Variants in RCBTB2 observed in about 807,000 individuals in gnomAD.
The protein encoded by RCBTB2 is RCC1 and BTB domain containing protein 2.
A neutral mutation model predicts 65.4 loss-of-function variants in RCBTB2; 55 were observed. The observed-to-expected ratio is 0.84, with a 90% confidence interval of 0.68 to 1.05. The LOEUF is 1.05. RCBTB2 is among the 50% of genes least tolerant of loss of function. The probability of loss-of-function intolerance (pLI) is 0.00; values close to 1 mark genes in which losing one functional copy is unlikely to be tolerated. For synonymous variants in RCBTB2, 220 were observed against 255.2 expected, an observed-to-expected ratio of 0.86 and a Z score of 1.31; for missense variants, 599 against 680.1, an observed-to-expected ratio of 0.88 and a Z score of 1.33.
Position 48,515,659 on chromosome 13 carries a change from A to G in RCBTB2, c.125T>C (p.Leu42Pro). 6.2e-7 allele frequency: 1 copy of G among 1,614,052 alleles called. No individual in the cohort carries two copies. Reference protein sequence around the residue: ...PIFSLCSEEELQLIRQACVFG... With the variant: ...PIFSLCSEEEPQLIRQACVFG... ...GACACAAGCCTGACGAATTAACTGT[A>G]GTTCTTCTTCAGAACAAAGGGAAAA... The change falls in exon 5 of 15, where the codon CTA becomes CCA. Residue 42 changes from leucine to proline, a missense_variant. Physicochemically the swap from Leu to Pro is moderately conservative, Grantham distance 98. Coordinates refer to ENST00000344532, the MANE Select transcript of RCBTB2 (RefSeq NM_001268.4).
In RCBTB2 at chr13:48,512,714, G is replaced by A; in HGVS notation, c.516+15C>T. 1 of 1,609,634 alleles carries A rather than the reference G, an allele frequency of 6.2e-7. No homozygotes were observed. Among genetic ancestry groups the A allele is most frequent in the Non-Finnish European group, 8.5e-7 (1 of 1,176,376 alleles). ...ATTGAAAAAAATCAATGAGCTTTAT[G>A]CTGACTGTTCTCACCTCTCCATCAG... On this transcript the variant is annotated intron_variant, in intron 7 of 14. Transcript: ENST00000344532.
chr13:48,528,362 G>A (rs143833499), intron 1 of RCBTB2, among the ~76,000 whole-genome samples: 1 of 152,118 alleles, frequency 6.6e-6, no homozygotes, highest in Non-Finnish European at 1.5e-5. Context: ...AACTTAATGA[G>A]ATCAACTCTA....
intron 10 of RCBTB2, 87 bp from the exon 11 acceptor site, chr13:48,503,001 G>C: frequency 7.5e-7 from 1 of 1,338,410 alleles, no homozygotes; most frequent in East Asian, 2.8e-5. Flanking sequence ...AACTGATGTG[G>C]GACATCATAA....
At chr13:48,526,938 AT>A (rs34418781) in intron 1 of RCBTB2, among the ~76,000 whole-genome samples, 175 of 152,098 alleles carry the variant, frequency 1.2e-3, no homozygotes, top group Non-Finnish European at 2.0e-3. Context: ...TAATAAATAG[AT>A]TTTTTTTAAA....
chr13:48,501,618 T>C (rs2138455767), intron 12 of RCBTB2, 124 bp downstream of exon 12: 1 of 743,380 alleles, frequency 1.3e-6, no homozygotes, highest in East Asian at 2.6e-5. Context: ...CACTGTATGC[T>C]TGTAAGAGCA....
intron 12 of RCBTB2, among the ~76,000 whole-genome samples, chr13:48,500,595 C>G (rs1260000646): frequency 2.6e-5 from 4 of 152,136 alleles, no homozygotes; most frequent in Non-Finnish European, 5.9e-5. Context: ...TGGACACAGA[C>G]ATGCACAAAG....
chr13:48,497,400 T>C (rs1446186067), intron 13 of RCBTB2, among the ~76,000 whole-genome samples: 2 of 152,196 alleles, frequency 1.3e-5, no homozygotes, highest in African/African-American at 4.8e-5. Context: ...AGGTGACATA[T>C]GTAAATTAAT....
intron 13 of RCBTB2, among the ~76,000 whole-genome samples, chr13:48,496,678 G>C (rs537223694): frequency 2.7e-5 from 4 of 150,830 alleles, no homozygotes; most frequent in Non-Finnish European, 5.9e-5. Flanking sequence ...CACACATGCT[G>C]TAAGAGTGCC....
chr13:48,525,092 T>TA (rs149664060), intron 1 of RCBTB2, among the ~76,000 whole-genome samples: 1,769 of 151,370 alleles, frequency 0.012, 31 homozygotes, highest in African/African-American at 0.04. Context: ...TGTGGAAATG[T>TA]AAAAAAAAGC....
chr13:48,522,737 T>C (rs1043013580), intron 2 of RCBTB2, among the ~76,000 whole-genome samples: 11 of 152,356 alleles, frequency 7.2e-5, no homozygotes, highest in Admixed American at 7.2e-4. Flanking sequence ...TTTAATGATG[T>C]TGCTTTTTCT....
chr13:48,527,320 C>CATATATATATATATGATAT (rs1951799410), intron 1 of RCBTB2, among the ~76,000 whole-genome samples: 1 of 77,856 alleles, frequency 1.3e-5, no homozygotes, highest in African/African-American at 5.7e-5. Context: ...TGACTTGGCT[C>CATATATATATATATGATAT]ATATATATAT....
chr13:48,499,518 C>T, intron 13 of RCBTB2, 103 bp downstream of exon 13: 1 of 1,199,196 alleles, frequency 8.3e-7, no homozygotes, highest in Non-Finnish European at 1.2e-6. Flanking sequence ...AAAAGAAATA[C>T]TTCTGTAATT....
intron 10 of RCBTB2, among the ~76,000 whole-genome samples, chr13:48,507,674 A>G (rs575379149): frequency 6.6e-6 from 1 of 152,230 alleles, no homozygotes; most frequent in East Asian, 1.9e-4. Flanking sequence ...AGAAACAGCA[A>G]AGATGACAGA....
rs771326796 is a variant in RCBTB2, at chr13:48,515,208, T to C, written c.346A>G (p.Thr116Ala). 1.2e-6 allele frequency: 2 copies of C among 1,611,664 alleles called. No individual in the cohort carries two copies. The highest frequency in any genetic ancestry group is 2.2e-5 in the East Asian group (1 of 44,872). Residue 116 changes from threonine to alanine, a missense_variant, in exon 6 of 15, where the codon ACA (threonine) becomes GCA (alanine). Physicochemically the swap from Thr to Ala is moderately conservative, Grantham distance 58 (BLOSUM62 0). Coordinates refer to ENST00000344532, the MANE Select transcript of RCBTB2 (RefSeq NM_001268.4). ...CTACATGGGGTTCCTAGGTTACCTG[T>C]TGTTGCAAGGACAATATGTGGACCA... ...GSGPHIVLAT[T>A]EGEVFTWGHN... is the part of the protein sequence containing the mutation.
At position 48,515,263 on chromosome 13, in the gene RCBTB2, G is replaced by A. The variant is rs9331989; in HGVS notation, c.291C>T (p.Gly97=). The A allele has an allele frequency of 2.2e-3, 3,583 of 1,613,898 alleles. 61 individuals carry two copies. In the African/African-American group the frequency reaches 0.04, roughly 18 times the overall value. The change falls in exon 6 of 15, where the codon GGC becomes GGT. Residue 97 remains glycine (G), a synonymous_variant. Transcript: ENST00000344532. ...CATAGCTGAGGCAGGCTATTTTTTTGCCATTTAAAGAATCCAGTCTCCGAG... is the reference window on the plus strand; with the variant it reads ...CATAGCTGAGGCAGGCTATTTTTTTACCATTTAAAGAATCCAGTCTCCGAG... ...IEPRRLDSLN[G]KKIACLSYGS...
intron 6 of RCBTB2, 150 bp from the exon 7 acceptor site, chr13:48,513,045 A>C: frequency 1.6e-6 from 1 of 632,554 alleles, no homozygotes; most frequent in South Asian, 2.4e-5. Context: ...ATTCTACAAA[A>C]GAATCTATTT....
chr13:48,535,641 C>G, upstream of RCBTB2: 1 of 456,524 alleles, frequency 2.2e-6, no homozygotes, highest in African/African-American at 2.0e-5. Context: ...CACCAATGAC[C>G]TCAGAATTGC....
rs142443945 is a variant in RCBTB2 at position 48,499,111 on chromosome 13, A to AACACACACACACACACACACAC, written c.1384+488_1384+509dup. Among the ~76,000 whole-genome samples, 139 of 105,850 alleles carry AACACACACACACACACACACAC rather than the reference A, an allele frequency of 1.3e-3. 1 individual carries two copies. Among genetic ancestry groups the AACACACACACACACACACACAC allele is most frequent in the African/African-American group, 4.1e-3 (94 of 23,122 alleles). 69.4% of individuals were successfully genotyped at this position (105,850 alleles called of 152,430 possible). ...TTGCCTCTCTCCCGACCCCCACCCC[A>AACACACACACACACACACACAC]ACACACACACACACACACACACACA... is the stretch of plus-strand genomic sequence containing the variant. On this transcript the variant is annotated intron_variant, in intron 13 of 14. Coordinates refer to ENST00000344532, the MANE Select transcript of RCBTB2 (RefSeq NM_001268.4).
At chr13:48,494,147 T>C (rs1949870510) in intron 14 of RCBTB2, among the ~76,000 whole-genome samples, 1 of 152,220 alleles carries the variant, frequency 6.6e-6, no homozygotes, top group African/African-American at 2.4e-5. Flanking sequence ...AATGCCTATG[T>C]CATATAAGGT....
Sources: gnomAD v4.1 joint callset for allele counts (sites outside exome capture counted in the v4.1 genomes callset) on GRCh38, gnomAD v4.1.1 for gene constraint, MANE v1.5 for transcripts, NCBI Gene and HGNC (gene_info 2026-07-23, HGNC 2026-07-21) for gene names.